The following AFF3 variants were observed in gnomAD, a reference collection of about 807,000 sequenced individuals.
The protein encoded by AFF3 is ALF transcription elongation factor 3, also known as AF4/FMR2 family member 3.
AFF3 carries 32 observed loss-of-function variants against 129.7 expected under a neutral mutation model. That is an observed-to-expected ratio of 0.25 (90% CI 0.19 to 0.33). The LOEUF (loss-of-function observed/expected upper bound fraction) is 0.33, where lower values mean the gene tolerates loss of function less well. Ranked by LOEUF, AFF3 falls within the 10% of genes least tolerant of loss-of-function variation. AFF3 has a pLI of 1.00. For missense variants in AFF3, 1,373 were observed against 1,592.0 expected (o/e 0.86, Z 2.34); for synonymous variants, 644 against 635.4 (o/e 1.01, Z -0.20).
rs1029197966 is a variant in AFF3, at chr2:99,637,026, G to A, written c.1184+12600C>T. Among the ~76,000 whole-genome samples, 34 of 152,218 alleles carry A rather than the reference G, an allele frequency of 2.2e-4. 1 individual carries two copies. The highest frequency in any genetic ancestry group is 8.2e-4 in the African/African-American group (34 of 41,528). Reference sequence around the variant, plus strand: ...CTCTGGGAGTCCCAGGCTGGAGAGTGGAATGGTCAGGGTGGGACTGTTCCA... The same window carrying A: ...CTCTGGGAGTCCCAGGCTGGAGAGTAGAATGGTCAGGGTGGGACTGTTCCA... On this transcript the variant is annotated intron_variant, in intron 13 of 24. Transcript: ENST00000672756.
intron 4 of AFF3, among the ~76,000 whole-genome samples, chr2:100,101,237 T>C (rs1315522606): frequency 6.6e-6 from 1 of 152,202 alleles, no homozygotes; most frequent in Admixed American, 6.5e-5. Context: ...ATTGATTATA[T>C]TCAACAGAAC....
chr2:100,120,141 A>C (rs547346432), intron 2 of AFF3, among the ~76,000 whole-genome samples: 1 of 152,336 alleles, frequency 6.6e-6, no homozygotes, highest in South Asian at 2.1e-4. Context: ...GTAGCTTCTT[A>C]GAGAGGCTTA....
chr2:99,885,489 A>C (rs539847164), intron 7 of AFF3, among the ~76,000 whole-genome samples: 1 of 152,316 alleles, frequency 6.6e-6, no homozygotes, highest in East Asian at 1.9e-4. Flanking sequence ...TAAAACAAAA[A>C]TGTAATCATT....
intron 4 of AFF3, among the ~76,000 whole-genome samples, chr2:100,082,849 G>A (rs1431907343): frequency 6.6e-6 from 1 of 152,170 alleles, no homozygotes; most frequent in Non-Finnish European, 1.5e-5. Context: ...GGGAGGCCAA[G>A]GCAGGCAGAT....
At chr2:99,817,210 G>A (rs146582063) in intron 8 of AFF3, among the ~76,000 whole-genome samples, 5 of 152,296 alleles carry the variant, frequency 3.3e-5, no homozygotes, top group African/African-American at 1.2e-4. Context: ...GGGGCACCTG[G>A]CAGAGGAGAC....
intron 11 of AFF3, among the ~76,000 whole-genome samples, chr2:99,702,392 T>C (rs931009915): frequency 6.6e-6 from 1 of 152,146 alleles, no homozygotes; most frequent in Non-Finnish European, 1.5e-5. Flanking sequence ...TCAGCTGGAG[T>C]GCAGTGGCGC....
intron 4 of AFF3, among the ~76,000 whole-genome samples, chr2:100,104,018 G>C (rs1387867469): frequency 6.6e-6 from 1 of 151,552 alleles, no homozygotes; most frequent in African/African-American, 2.4e-5. Flanking sequence ...GCCGGAGGAG[G>C]GAGGGGGCGC....
intron 8 of AFF3, among the ~76,000 whole-genome samples, chr2:99,755,129 C>G (rs1011272635): frequency 1.3e-5 from 2 of 152,150 alleles, no homozygotes; most frequent in African/African-American, 4.8e-5. Context: ...ACCCCTTCTC[C>G]TTTGAAGCTC....
At chr2:100,032,372 T>C (rs1347988040) in intron 4 of AFF3, among the ~76,000 whole-genome samples, 1 of 151,708 alleles carries the variant, frequency 6.6e-6, no homozygotes, top group Non-Finnish European at 1.5e-5. Context: ...GAGGCTGCAG[T>C]GAGCCGAGAC....
chr2:99,671,550 T>C (rs1251910545), intron 12 of AFF3, among the ~76,000 whole-genome samples: 1 of 147,220 alleles, frequency 6.8e-6, no homozygotes, highest in Non-Finnish European at 1.5e-5. Flanking sequence ...AACCTCTGCT[T>C]GTTCTCTCTG....
intron 4 of AFF3, among the ~76,000 whole-genome samples, chr2:100,058,883 G>A (rs1687013666): frequency 6.6e-6 from 1 of 152,144 alleles, no homozygotes; most frequent in Non-Finnish European, 1.5e-5. Flanking sequence ...TCATGTATCT[G>A]ATAAGGGACT....
chr2:99,841,695 A>G (rs1002330312), intron 7 of AFF3, among the ~76,000 whole-genome samples: 1 of 152,212 alleles, frequency 6.6e-6, no homozygotes, highest in African/African-American at 2.4e-5. Context: ...TTTCAGCCCA[A>G]GTCAATGACT....
At chr2:100,045,630 C>T (rs1462395591) in intron 4 of AFF3, among the ~76,000 whole-genome samples, 1 of 151,508 alleles carries the variant, frequency 6.6e-6, no homozygotes, top group Non-Finnish European at 1.5e-5. Context: ...CCTTTCCCCT[C>T]CCTCCACCTT....
chr2:100,092,900 T>C (rs528976772), intron 4 of AFF3, among the ~76,000 whole-genome samples: 1 of 151,474 alleles, frequency 6.6e-6, no homozygotes, highest in African/African-American at 2.4e-5. Flanking sequence ...TGAAATAATC[T>C]GTTCTTATTA....
chr2:99,704,204 A>G (rs529927166), intron 11 of AFF3, among the ~76,000 whole-genome samples: 27 of 152,150 alleles, frequency 1.8e-4, no homozygotes, highest in Non-Finnish European at 3.5e-4. Flanking sequence ...GTTTACTTCT[A>G]TTTTTACTCA....
chr2:100,127,045 A>G (rs1275374164), intron 2 of AFF3, among the ~76,000 whole-genome samples: 1 of 152,158 alleles, frequency 6.6e-6, no homozygotes, highest in African/African-American at 2.4e-5. Flanking sequence ...TGGTGGCACC[A>G]TTATATGCAT....
At chr2:100,122,288 G>A (rs1164115233) in intron 2 of AFF3, among the ~76,000 whole-genome samples, 3 of 152,040 alleles carry the variant, frequency 2.0e-5, no homozygotes, top group Non-Finnish European at 2.9e-5. Flanking sequence ...TTAGCACAAT[G>A]GGATATTATT....
At chr2:99,818,800 C>A (rs529099096) in intron 8 of AFF3, among the ~76,000 whole-genome samples, 1 of 152,222 alleles carries the variant, frequency 6.6e-6, no homozygotes, top group East Asian at 1.9e-4. Flanking sequence ...ATATAGTATA[C>A]TAGAACATGT....
chr2:100,120,152 C>T (rs570828225), intron 2 of AFF3, among the ~76,000 whole-genome samples: 9 of 152,214 alleles, frequency 5.9e-5, no homozygotes, highest in East Asian at 5.8e-4. Flanking sequence ...GAGAGGCTTA[C>T]GATTGACAAA....
Sources: gnomAD v4.1 joint callset for allele counts (sites outside exome capture counted in the v4.1 genomes callset) on GRCh38, gnomAD v4.1.1 for gene constraint, MANE v1.5 for transcripts, NCBI Gene and HGNC (gene_info 2026-07-23, HGNC 2026-07-21) for gene names.